LDAH: variants seen among roughly 807,000 people sequenced by gnomAD.
LDAH encodes the protein lipid droplet associated hydrolase, also known as lipid droplet-associated hydrolase.
In LDAH, 26 loss-of-function variants were observed where a neutral mutation model predicts 29.6. The observed-to-expected ratio is 0.88, with a 90% CI of 0.64 to 1.22. The LOEUF is 1.22. LDAH is among the 50% of genes most tolerant of loss of function. The pLI, the probability that LDAH is intolerant of heterozygous loss-of-function variation, is 0.00. For synonymous variants in LDAH, 117 were observed against 133.0 expected (o/e 0.88, Z 0.83); for missense variants, 344 against 387.3 (o/e 0.89, Z 0.94).
At chr2:20,731,199 C>T (rs369395164) in intron 5 of LDAH, among the ~76,000 whole-genome samples, 2 of 152,158 alleles carry the variant, frequency 1.3e-5, no homozygotes, top group Non-Finnish European at 2.9e-5. Flanking sequence ...TCAATGTAAT[C>T]CCCAATGTTG....
chr2:20,781,673 C>G (rs1394097386), intron 3 of LDAH, among the ~76,000 whole-genome samples: 1 of 152,222 alleles, frequency 6.6e-6, no homozygotes, highest in African/African-American at 2.4e-5. Context: ...TACTCAGATA[C>G]AGAAAGTCAC....
intron 5 of LDAH, among the ~76,000 whole-genome samples, chr2:20,712,497 C>T (rs1664843114): frequency 6.6e-6 from 1 of 152,176 alleles, no homozygotes; most frequent in Non-Finnish European, 1.5e-5. Context: ...AGGATTGCAG[C>T]TCCTCGCCAG....
At chr2:20,766,750 G>A (rs888449342) in intron 4 of LDAH, among the ~76,000 whole-genome samples, 12 of 152,192 alleles carry the variant, frequency 7.9e-5, no homozygotes, top group East Asian at 1.9e-4. Context: ...GGCAGCAGGG[G>A]GCTATCCACA....
chr2:20,784,745 G>T (rs1231848617), intron 3 of LDAH, among the ~76,000 whole-genome samples: 1 of 152,000 alleles, frequency 6.6e-6, no homozygotes, highest in Admixed American at 6.6e-5. Flanking sequence ...AAATTAGCCA[G>T]GTGTAGTGGC....
intron 1 of LDAH, among the ~76,000 whole-genome samples, chr2:20,801,798 T>C (rs576204670): frequency 6.6e-6 from 1 of 152,248 alleles, no homozygotes; most frequent in African/African-American, 2.4e-5. Context: ...CAGGTTCCCC[T>C]ACCTTCACCT....
At chr2:20,743,053 ACACCAGGCCTATTT>A (rs1667306160) in intron 4 of LDAH, among the ~76,000 whole-genome samples, 1 of 151,856 alleles carries the variant, frequency 6.6e-6, no homozygotes, top group East Asian at 1.9e-4. Flanking sequence ...GTGAGCCACC[ACACCAGGCCTATTT>A]GGTGCACTTA....
intron 4 of LDAH, among the ~76,000 whole-genome samples, chr2:20,761,031 C>T (rs543430444): frequency 6.6e-6 from 1 of 152,248 alleles, no homozygotes; most frequent in African/African-American, 2.4e-5. Context: ...TCAACTATTC[C>T]GAGACCATAA....
At chr2:20,728,516 A>G (rs949738771) in intron 5 of LDAH, among the ~76,000 whole-genome samples, 4 of 145,714 alleles carry the variant, frequency 2.7e-5, no homozygotes, top group Admixed American at 1.4e-4. Context: ...TCATCTCCCA[A>G]AGTCTTCTGT....
chr2:20,694,388 G>A (rs958876049), intron 6 of LDAH, among the ~76,000 whole-genome samples: 4 of 152,180 alleles, frequency 2.6e-5, no homozygotes, highest in African/African-American at 9.7e-5. Flanking sequence ...TCTCCTTTCA[G>A]TTACTTAAAA....
intron 4 of LDAH, among the ~76,000 whole-genome samples, chr2:20,742,099 T>G (rs1667221631): frequency 6.6e-6 from 1 of 152,266 alleles, no homozygotes; most frequent in African/African-American, 2.4e-5. Context: ...CCATGTATTT[T>G]GGGACTTTCC....
rs1202029371 is a variant in LDAH at position 20,801,322 on chromosome 2, A to T, written c.142T>A (p.Phe48Ile). The T allele has an allele frequency of 1.9e-6, 3 of 1,613,480 alleles. No individual in the cohort carries two copies. The highest frequency in any genetic ancestry group is 2.5e-6 in the Non-Finnish European group (3 of 1,179,886). ...QSVKRPKLLI[F>I]IIPGNPGFSA... ...CTTTTACGCTCACCAGGAATAATGA[A>T]AATAAGCAGCTTAGGCCTTTTGACA... The change falls in exon 2 of 7, where the codon TTC becomes ATC. Residue 48 changes from phenylalanine (F) to isoleucine (I), a missense_variant. By Grantham distance (21) the Phe-to-Ile change is conservative. Coordinates refer to ENST00000237822, the MANE Select transcript of LDAH (RefSeq NM_021925.4).
At chr2:20,746,295 G>A (rs1667564646) in intron 4 of LDAH, among the ~76,000 whole-genome samples, 1 of 152,152 alleles carries the variant, frequency 6.6e-6, no homozygotes, top group Non-Finnish European at 1.5e-5. Flanking sequence ...ATCCTTTACT[G>A]TGACCCATGT....
At chr2:20,779,522 A>G (rs1276959539) in intron 3 of LDAH, among the ~76,000 whole-genome samples, 9 of 152,066 alleles carry the variant, frequency 5.9e-5, no homozygotes, top group Admixed American at 5.9e-4. Context: ...AAATACACAA[A>G]AAAATAATAT....
intron 5 of LDAH, among the ~76,000 whole-genome samples, chr2:20,720,495 T>C (rs1202011760): frequency 3.3e-5 from 5 of 152,056 alleles, no homozygotes; most frequent in Non-Finnish European, 5.9e-5. Context: ...GGAAAAGATA[T>C]CCCATGCTCA....
At chr2:20,729,511 G>T (rs1174367865) in intron 5 of LDAH, among the ~76,000 whole-genome samples, 1 of 152,188 alleles carries the variant, frequency 6.6e-6, no homozygotes, top group Non-Finnish European at 1.5e-5. Context: ...ATCTAATGGT[G>T]TCCTCAGCCC....
At chr2:20,802,369 A>G (rs756809318) in intron 1 of LDAH, among the ~76,000 whole-genome samples, 2 of 152,134 alleles carry the variant, frequency 1.3e-5, no homozygotes, top group Non-Finnish European at 2.9e-5. Context: ...CCCAATAAGC[A>G]TATTTTATGT....
At chr2:20,809,977 C>T (rs1049236243) in intron 1 of LDAH, among the ~76,000 whole-genome samples, 4 of 152,190 alleles carry the variant, frequency 2.6e-5, no homozygotes, top group Non-Finnish European at 4.4e-5. Flanking sequence ...AAAGTGTTCT[C>T]AGGAAACATT....
chr2:20,722,738 G>A (rs1165921221), intron 5 of LDAH, among the ~76,000 whole-genome samples: 2 of 152,022 alleles, frequency 1.3e-5, no homozygotes, highest in Non-Finnish European at 1.5e-5. Context: ...CAAAGAAAAA[G>A]AACAATCTCA....
intron 4 of LDAH, among the ~76,000 whole-genome samples, chr2:20,761,001 C>T (rs1572568817): frequency 6.6e-6 from 1 of 152,152 alleles, no homozygotes; most frequent in Non-Finnish European, 1.5e-5. Flanking sequence ...AACATTTGTG[C>T]TATCCAATTT....
Sources: allele counts gnomAD v4.1 joint callset (sites outside exome capture counted in the v4.1 genomes callset), GRCh38; gene constraint gnomAD v4.1.1; transcripts MANE v1.5; gene names NCBI Gene and HGNC (gene_info 2026-07-23, HGNC 2026-07-21).